The following HIVEP3 variants were observed in gnomAD, a reference collection of about 807,000 sequenced individuals.
HIVEP3 encodes the protein HIVEP zinc finger 3.
Under a neutral mutation model 152.8 loss-of-function variants are expected in HIVEP3, and 49 were observed. That is an observed-to-expected ratio of 0.32 (90% CI 0.26 to 0.41). The LOEUF (loss-of-function observed/expected upper bound fraction) is 0.41. Ranked by LOEUF, HIVEP3 falls within the 10% of genes least tolerant of loss-of-function variation. HIVEP3 has a pLI of 1.00. For missense variants in HIVEP3, 2,790 were observed against 3,103.3 expected, an observed-to-expected ratio of 0.90 and a Z score of 2.40; for synonymous variants, 1,269 against 1,289.0, an observed-to-expected ratio of 0.98 and a Z score of 0.33.
At chr1:41,743,523 G>T (rs1647027502) in intron 1 of HIVEP3, among the ~76,000 whole-genome samples, 1 of 152,188 alleles carries the variant, frequency 6.6e-6, no homozygotes, top group African/African-American at 2.4e-5. Context: ...ACTAGTGTTT[G>T]CTATGCAGCT....
chr1:41,778,499 G>C (rs988676290), intron 1 of HIVEP3, among the ~76,000 whole-genome samples: 14 of 152,220 alleles, frequency 9.2e-5, no homozygotes, highest in African/African-American at 3.1e-4. Context: ...CTGGTCCCCA[G>C]GTACAGGCTC....
chr1:41,811,393 G>T (rs1237593816), intron 1 of HIVEP3, among the ~76,000 whole-genome samples: 1 of 151,446 alleles, frequency 6.6e-6, no homozygotes, highest in Non-Finnish European at 1.5e-5. Context: ...ACAGTCTGGT[G>T]TTAACCTTGG....
chr1:41,734,561 G>C (rs1418582518), intron 1 of HIVEP3, among the ~76,000 whole-genome samples: 1 of 152,206 alleles, frequency 6.6e-6, no homozygotes, highest in Non-Finnish European at 1.5e-5. Flanking sequence ...TGGGCCACTG[G>C]GTGATTTAGA....
chr1:42,032,992 C>A (rs904966178), intron 1 of HIVEP3, among the ~76,000 whole-genome samples: 3 of 152,118 alleles, frequency 2.0e-5, no homozygotes, highest in African/African-American at 7.2e-5. Flanking sequence ...TTGTGAAGCA[C>A]ACCAAATGTT....
At chr1:41,903,374 T>C (rs1010624199) in intron 1 of HIVEP3, among the ~76,000 whole-genome samples, 29 of 152,122 alleles carry the variant, frequency 1.9e-4, no homozygotes, top group East Asian at 7.7e-4. Flanking sequence ...ATCTGAAAAA[T>C]TGAGATACTA....
upstream of HIVEP3, among the ~76,000 whole-genome samples, chr1:41,922,741 A>T (rs1162716896): frequency 6.6e-6 from 1 of 152,120 alleles, no homozygotes; most frequent in Non-Finnish European, 1.5e-5. Flanking sequence ...CCATATAATT[A>T]TAACAAAAAA....
chr1:41,997,773 A>G (rs1328196130), intron 1 of HIVEP3, among the ~76,000 whole-genome samples: 1 of 152,246 alleles, frequency 6.6e-6, no homozygotes, highest in Non-Finnish European at 1.5e-5. Flanking sequence ...CCCTCAAAAT[A>G]CAAGTTTCCC....
At chr1:41,974,875 A>G (rs1348335443) in intron 1 of HIVEP3, among the ~76,000 whole-genome samples, 1 of 152,102 alleles carries the variant, frequency 6.6e-6, no homozygotes, top group Non-Finnish European at 1.5e-5. Flanking sequence ...AGAGTAGCAG[A>G]TGCTCTGGTG....
chr1:41,614,400 G>T (rs1644939022), intron 3 of HIVEP3, among the ~76,000 whole-genome samples: 1 of 152,220 alleles, frequency 6.6e-6, no homozygotes. Context: ...CATTCTAGGG[G>T]TGGAAAACAG....
At chr1:42,018,681 T>C (rs187337934) in intron 1 of HIVEP3, among the ~76,000 whole-genome samples, 183 of 152,178 alleles carry the variant, frequency 1.2e-3, no homozygotes, top group African/African-American at 4.2e-3. Context: ...CACCCTATCC[T>C]ACCTTCTGCC....
intron 1 of HIVEP3, among the ~76,000 whole-genome samples, chr1:41,736,133 C>A (rs1307842361): frequency 6.6e-6 from 1 of 152,166 alleles, no homozygotes; most frequent in African/African-American, 2.4e-5. Flanking sequence ...CAGCCCTTCA[C>A]GCTCCCACTT....
intron 2 of HIVEP3, among the ~76,000 whole-genome samples, chr1:41,641,454 C>A (rs1645371300): frequency 6.6e-6 from 1 of 152,228 alleles, no homozygotes; most frequent in Non-Finnish European, 1.5e-5. Context: ...CATCTTCCAC[C>A]CCATCCCCAC....
intron 5 of HIVEP3, among the ~76,000 whole-genome samples, chr1:41,536,756 T>C (rs1038069235): frequency 6.6e-6 from 1 of 152,190 alleles, no homozygotes; most frequent in African/African-American, 2.4e-5. Flanking sequence ...CCAAGCACGA[T>C]TTTAAATGCT....
At chr1:41,843,462 A>G (rs1195846473) in intron 1 of HIVEP3, among the ~76,000 whole-genome samples, 1 of 152,170 alleles carries the variant, frequency 6.6e-6, no homozygotes, top group Non-Finnish European at 1.5e-5. Flanking sequence ...TTCCTCCGCA[A>G]TGCTTAGGGA....
intron 1 of HIVEP3, among the ~76,000 whole-genome samples, chr1:41,988,883 G>T (rs72951282): frequency 0.013 from 1,928 of 152,242 alleles, 31 homozygotes; most frequent in African/African-American, 0.043. Flanking sequence ...ATATTATTTG[G>T]CTTTTAAAAA....
At chr1:41,689,295 C>T (rs757838464) in intron 2 of HIVEP3, among the ~76,000 whole-genome samples, 2 of 152,174 alleles carry the variant, frequency 1.3e-5, no homozygotes, top group Non-Finnish European at 2.9e-5. Context: ...CCCTCGGCCT[C>T]CACAGGGCAC....
intron 1 of HIVEP3, among the ~76,000 whole-genome samples, chr1:41,924,646 C>CCGGCCGGGCGCGGTGGCT (rs1452187593): frequency 1.9e-4 from 29 of 151,356 alleles, no homozygotes; most frequent in Middle Eastern, 3.5e-3. Context: ...AGGTACCTAC[C>CCGGCCGGGCGCGGTGGCT]CACTGGGGTT....
intron 6 of HIVEP3, 29 bp downstream of exon 6, chr1:41,524,706 G>A (rs765493822): frequency 2.5e-6 from 4 of 1,606,410 alleles, no homozygotes; most frequent in Admixed American, 3.3e-5. Flanking sequence ...CAGCGGGCAG[G>A]GGCAGTGCCC....
intron 1 of HIVEP3, among the ~76,000 whole-genome samples, chr1:41,715,110 G>C (rs529925674): frequency 2.0e-5 from 3 of 152,232 alleles, no homozygotes; most frequent in African/African-American, 7.2e-5. Flanking sequence ...CCACTGCCTG[G>C]GCTGCTTCCT....
Sources: gnomAD v4.1 joint callset for allele counts (sites outside exome capture counted in the v4.1 genomes callset) on GRCh38, gnomAD v4.1.1 for gene constraint, MANE v1.5 for transcripts, NCBI Gene and HGNC (gene_info 2026-07-23, HGNC 2026-07-21) for gene names.